Variants in PRKCA observed in about 807,000 individuals in gnomAD.
The protein encoded by PRKCA is protein kinase C alpha, also known as protein kinase C alpha type.
In PRKCA, 27 loss-of-function variants were observed where a neutral mutation model predicts 87.0. The ratio of observed to expected loss-of-function variants is 0.31; its 90% CI spans 0.23 to 0.43. The LOEUF (loss-of-function observed/expected upper bound fraction) is 0.43, where lower values mean the gene tolerates loss of function less well. Among genes scored for constraint, PRKCA ranks in the 20% least tolerant of loss-of-function variants. The pLI, the probability that PRKCA is intolerant of heterozygous loss-of-function variation, is 1.00. For synonymous variants in PRKCA, 329 were observed against 311.1 expected (o/e 1.06, Z -0.61); for missense variants, 518 against 852.3 (o/e 0.61, Z 4.88).
intron 2 of PRKCA, among the ~76,000 whole-genome samples, chr17:66,493,855 C>T (rs1289954815): frequency 4.6e-5 from 7 of 152,176 alleles, no homozygotes; most frequent in African/African-American, 1.7e-4. Context: ...TCTTAGCAGC[C>T]TGCATGATGA....
intron 8 of PRKCA, among the ~76,000 whole-genome samples, chr17:66,701,585 G>T (rs1347937090): frequency 6.6e-6 from 1 of 151,968 alleles, no homozygotes; most frequent in African/African-American, 2.4e-5. Flanking sequence ...AAATGCATAA[G>T]GAACTCATAT....
chr17:66,414,532 GATGA>G (rs1912021938), intron 2 of PRKCA, among the ~76,000 whole-genome samples: 1 of 152,194 alleles, frequency 6.6e-6, no homozygotes, highest in Non-Finnish European at 1.5e-5. Context: ...TGAGAGAACA[GATGA>G]ATACAACCAG....
chr17:66,531,439 A>G (rs1332745952), intron 3 of PRKCA, among the ~76,000 whole-genome samples: 1 of 152,164 alleles, frequency 6.6e-6, no homozygotes, highest in Non-Finnish European at 1.5e-5. Flanking sequence ...TTGCTTTGCC[A>G]GAACTCCCCC....
intron 13 of PRKCA, among the ~76,000 whole-genome samples, chr17:66,765,429 TATATATATATATATATATATATATATCC>T (rs989149080): frequency 3.9e-5 from 5 of 128,378 alleles, no homozygotes; most frequent in African/African-American, 1.5e-4. Flanking sequence ...TATATATATA[TATATATATATATATATATATATATATCC>T]ATATATATAC....
chr17:66,489,383 ATATATATATAT>A (rs1482264144), intron 2 of PRKCA, among the ~76,000 whole-genome samples: 2 of 131,844 alleles, frequency 1.5e-5, no homozygotes, highest in East Asian at 4.3e-4. Flanking sequence ...ATATATATAT[ATATATATATAT>A]ATTTCCCCCC....
intron 2 of PRKCA, among the ~76,000 whole-genome samples, chr17:66,495,494 G>T (rs1210579347): frequency 1.4e-5 from 2 of 145,016 alleles, no homozygotes; most frequent in African/African-American, 5.2e-5. Context: ...TTATATGTGT[G>T]TGTTAGTGTG....
At chr17:66,736,142 A>G (rs1202323844) in intron 10 of PRKCA, among the ~76,000 whole-genome samples, 1 of 151,740 alleles carries the variant, frequency 6.6e-6, no homozygotes, top group Non-Finnish European at 1.5e-5. Flanking sequence ...TTGGCCTCCT[A>G]AAGTGCTGGG....
intron 13 of PRKCA, among the ~76,000 whole-genome samples, chr17:66,751,747 G>A (rs1974431835): frequency 6.6e-6 from 1 of 151,978 alleles, no homozygotes; most frequent in African/African-American, 2.4e-5. Flanking sequence ...CAGAGGGAGA[G>A]ACCAGGGACA....
chr17:66,362,480 A>G (rs979692444), intron 2 of PRKCA, among the ~76,000 whole-genome samples: 33 of 152,070 alleles, frequency 2.2e-4, no homozygotes, highest in African/African-American at 5.1e-4. Context: ...ACGATTTCCA[A>G]TGTTCAATGT....
intron 2 of PRKCA, among the ~76,000 whole-genome samples, chr17:66,336,761 T>TGTGTGTGTGTGTGC (rs1347326467): frequency 1.0e-4 from 6 of 57,608 alleles, no homozygotes; most frequent in African/African-American, 3.8e-4. Flanking sequence ...AGTTTGTGTG[T>TGTGTGTGTGTGTGC]GTGTGTGTGT....
At chr17:66,575,347 G>A (rs556734658) in intron 3 of PRKCA, among the ~76,000 whole-genome samples, 17 of 152,346 alleles carry the variant, frequency 1.1e-4, no homozygotes, top group Non-Finnish European at 2.2e-4. Flanking sequence ...GGGAGGCCGC[G>A]GTGGGCGGAT....
chr17:66,804,180 A>T lies in PRKCA; in HGVS notation c.*143A>T. On this transcript the variant is annotated 3_prime_UTR_variant, in exon 17 of 17. Transcript: ENST00000413366. The stretch of plus-strand genomic sequence containing the variant: ...TGAAAATTGTAGGGTTATTAGTCCA[A>T]ATGTGATCAACTGTTCAGGGTCTCT... The T allele has an allele frequency of 8.8e-7, 1 of 1,132,260 alleles. No homozygotes were observed. Among genetic ancestry groups the T allele is most frequent in the Non-Finnish European group, 1.2e-6 (1 of 823,456 alleles). The allele number at this position is 1,132,260 out of a possible 1,614,324, so 70.1% of individuals were successfully genotyped here.
chr17:66,662,972 C>T (rs760949490), intron 5 of PRKCA, among the ~76,000 whole-genome samples: 3 of 152,172 alleles, frequency 2.0e-5, no homozygotes, highest in East Asian at 3.9e-4. Context: ...ATGGGAAAGT[C>T]GTCGATTCTG....
chr17:66,370,300 C>T (rs764879166), intron 2 of PRKCA, among the ~76,000 whole-genome samples: 1 of 134,496 alleles, frequency 7.4e-6, no homozygotes, highest in Non-Finnish European at 1.5e-5. Flanking sequence ...GGCATGATCT[C>T]GGCTTACTGC....
intron 8 of PRKCA, among the ~76,000 whole-genome samples, chr17:66,709,224 G>A (rs1973259004): frequency 6.6e-6 from 1 of 151,464 alleles, no homozygotes; most frequent in Admixed American, 6.6e-5. Flanking sequence ...TGAAGTTGGG[G>A]GATTACCCCT....
chr17:66,335,745 T>C (rs1159408662), intron 2 of PRKCA, among the ~76,000 whole-genome samples: 1 of 152,228 alleles, frequency 6.6e-6, no homozygotes, highest in African/African-American at 2.4e-5. Flanking sequence ...CATTTTATTT[T>C]TAGCCACTGT....
chr17:66,790,853 T>G (rs73994625), intron 16 of PRKCA, among the ~76,000 whole-genome samples: 4,264 of 152,124 alleles, frequency 0.028, 227 homozygotes, highest in African/African-American at 0.097. Context: ...ACAGGGCGAC[T>G]TGGCTCCGCA....
At chr17:66,758,006 T>TGAGCC (rs1275365913) in intron 13 of PRKCA, among the ~76,000 whole-genome samples, 1 of 152,206 alleles carries the variant, frequency 6.6e-6, no homozygotes, top group Non-Finnish European at 1.5e-5. Context: ...ATTACAGGCG[T>TGAGCC]GAGCCACTGC....
At chr17:66,374,640 G>T (rs1197808954) in intron 2 of PRKCA, among the ~76,000 whole-genome samples, 1 of 152,080 alleles carries the variant, frequency 6.6e-6, no homozygotes, top group African/African-American at 2.4e-5. Context: ...GTGGGGAGCT[G>T]CAGGGGAGGG....
Sources: gnomAD v4.1 joint callset for allele counts (sites outside exome capture counted in the v4.1 genomes callset) on GRCh38, gnomAD v4.1.1 for gene constraint, MANE v1.5 for transcripts, NCBI Gene and HGNC (gene_info 2026-07-23, HGNC 2026-07-21) for gene names.